The following RNF20 variants were observed in gnomAD, a reference collection of about 807,000 sequenced individuals.
RNF20 encodes E3 ubiquitin-protein ligase BRE1A.
RNF20 carries 84 observed loss-of-function variants against 126.2 expected under a neutral mutation model. The ratio of observed to expected loss-of-function variants is 0.67; its 90% CI spans 0.56 to 0.80. The LOEUF (loss-of-function observed/expected upper bound fraction) is 0.80. RNF20 is among the 30% of genes least tolerant of loss of function. The pLI is 0.00. For synonymous variants in RNF20, 400 were observed against 414.3 expected (o/e 0.97, Z 0.42); for missense variants, 869 against 1,188.2 (o/e 0.73, Z 3.95).
At chr9:101,549,259 G>A (rs906306782) in intron 9 of RNF20, among the ~76,000 whole-genome samples, 2 of 152,222 alleles carry the variant, frequency 1.3e-5, no homozygotes, top group African/African-American at 4.8e-5. Context: ...ATCTCCAATC[G>A]TAGGTAAGGT....
In RNF20 at chr9:101,554,046, C is replaced by G. The variant is rs758840431; in HGVS notation, c.1960C>G (p.Pro654Ala). The G allele has an allele frequency of 1.9e-6, 3 of 1,613,600 alleles. No homozygotes were observed. The highest frequency in any genetic ancestry group is 2.2e-5 in the South Asian group (2 of 91,048). The change falls in exon 14 of 20, where the codon CCA becomes GCA. Residue 654 changes from proline to alanine, a missense_variant. Physicochemically the swap from Pro to Ala is conservative, Grantham distance 27 (BLOSUM62 -1). Around this residue, in one of 8 missense-constraint regions of RNF20, gnomAD observed 231 missense variants for 263.6 expected, o/e 0.88. Coordinates refer to ENST00000389120, the MANE Select transcript of RNF20 (RefSeq NM_019592.7). ...KLLLDMYRSA[P>A]KEQRDKVQLM... Reference sequence around the variant, plus strand: ...ATTGCTGGATATGTACCGTTCTGCCCCAAAGGAACAGAGAGACAAAGTTCA... The same window carrying G: ...ATTGCTGGATATGTACCGTTCTGCCGCAAAGGAACAGAGAGACAAAGTTCA...
At chr9:101,551,313 G>A (rs1827440728) in intron 10 of RNF20, among the ~76,000 whole-genome samples, 2 of 152,142 alleles carry the variant, frequency 1.3e-5, no homozygotes, top group Admixed American at 1.3e-4. Flanking sequence ...AATGGCACCA[G>A]TAGATGATTT....
At chr9:101,541,529 C>T (rs957774019) in intron 5 of RNF20, among the ~76,000 whole-genome samples, 1 of 152,128 alleles carries the variant, frequency 6.6e-6, no homozygotes, top group Non-Finnish European at 1.5e-5. Context: ...CTGATATACT[C>T]TATTAATGAC....
intron 10 of RNF20, 38 bp from the exon 11 acceptor site, chr9:101,551,646 A>G (rs1200084190): frequency 2.0e-6 from 3 of 1,528,198 alleles, no homozygotes; most frequent in Non-Finnish European, 2.6e-6. Context: ...CTACATTTTA[A>G]TAAGAATTTT....
chr9:101,556,577 C>G (rs897078348), intron 15 of RNF20, among the ~76,000 whole-genome samples: 1 of 152,004 alleles, frequency 6.6e-6, no homozygotes, highest in African/African-American at 2.4e-5. Context: ...ATGCATCCAT[C>G]AAAAAGCTAG....
At chr9:101,551,220 A>G (rs1049844717) in intron 10 of RNF20, among the ~76,000 whole-genome samples, 6 of 152,232 alleles carry the variant, frequency 3.9e-5, no homozygotes, top group African/African-American at 1.4e-4. Context: ...AAATAGTTTA[A>G]TATGGCTAGA....
In RNF20 at chr9:101,552,551, G is replaced by A; in HGVS notation, c.1699G>A (p.Glu567Lys). Residue 567 changes from glutamate (E) to lysine (K), a missense_variant, in exon 13 of 20, where the codon GAA (glutamate) becomes AAA (lysine). Transcript: ENST00000389120. ...ANEIKSKRDEEERERERREKE... is the reference protein window; with the variant it reads ...ANEIKSKRDEKERERERREKE... The stretch of plus-strand genomic sequence containing the variant: ...TGAAATCAAGTCTAAACGGGATGAA[G>A]AAGAACGAGAACGAGAAAGGAGGGA... 1 of 1,613,386 alleles carries A rather than the reference G, an allele frequency of 6.2e-7. No individual in the cohort carries two copies. The highest frequency in any genetic ancestry group is 8.5e-7 in the Non-Finnish European group (1 of 1,179,446).
In RNF20 at chr9:101,551,809, T is replaced by C. The variant is rs769904780; in HGVS notation, c.1398T>C (p.Asn466=). The C allele has an allele frequency of 2.5e-6, 4 of 1,606,562 alleles. No homozygotes were observed. In the East Asian group the frequency reaches 6.7e-5, roughly 27 times the overall value. ...RIEFEQTLAA[N]EQAGPINREM... is the part of the protein sequence containing the mutation. ...AATTTGAGCAGACCCTTGCTGCCAA[T>C]GAACAAGCAGGTATAATGATTCTCA... Residue 466 remains asparagine (N), a synonymous_variant, in exon 11 of 20, where the codon AAT becomes AAC. Coordinates refer to ENST00000389120, the MANE Select transcript of RNF20 (RefSeq NM_019592.7).
chr9:101,553,526 A>G (rs1827482356), intron 13 of RNF20, among the ~76,000 whole-genome samples: 1 of 152,050 alleles, frequency 6.6e-6, no homozygotes, highest in Non-Finnish European at 1.5e-5. Flanking sequence ...GATTAACAGT[A>G]TATCTCAGAC....
At chr9:101,544,706 TAA>T (rs145182555) in intron 5 of RNF20, 59 bp from the exon 6 acceptor site, 11,993 of 982,588 alleles carry the variant, frequency 0.012, no homozygotes, top group Admixed American at 0.014. Context: ...GACTCCGTCT[TAA>T]AAAAAAAAAA....
chr9:101,550,096 T>G (rs1827418642), intron 9 of RNF20, among the ~76,000 whole-genome samples: 1 of 152,160 alleles, frequency 6.6e-6, no homozygotes, highest in Non-Finnish European at 1.5e-5. Context: ...TACAAGTTGT[T>G]TGTAGGTTAA....
At chr9:101,548,871 A>G (rs1026337999) in intron 9 of RNF20, among the ~76,000 whole-genome samples, 2 of 152,200 alleles carry the variant, frequency 1.3e-5, no homozygotes, top group Non-Finnish European at 2.9e-5. Flanking sequence ...GGGCATATAT[A>G]TACTGTGGAA....
intron 9 of RNF20, among the ~76,000 whole-genome samples, chr9:101,548,206 A>G (rs941864674): frequency 6.6e-6 from 1 of 152,192 alleles, no homozygotes; most frequent in Non-Finnish European, 1.5e-5. Flanking sequence ...TTTAGAGGAC[A>G]TTATGCTAAC....
chr9:101,543,343 T>TCCAGGGCGGCACTGTCTAACCCTG, intron 5 of RNF20, among the ~76,000 whole-genome samples: 1 of 122,950 alleles, frequency 8.1e-6, no homozygotes, highest in Non-Finnish European at 1.7e-5. Flanking sequence ...GTCTAACCCT[T>TCCAGGGCGGCACTGTCTAACCCTG]CCAGGGCGGC....
In RNF20 at chr9:101,551,715, G is replaced by A. The variant is rs1388124631; in HGVS notation, c.1304G>A (p.Arg435Lys). 1 of 1,540,816 alleles carries A rather than the reference G, an allele frequency of 6.5e-7. No individual in the cohort carries two copies. The highest frequency in any genetic ancestry group is 8.8e-7 in the Non-Finnish European group (1 of 1,141,386). ...GAGGTTAGTCTTCATAAGAAGCTGAGGACTGAAGTAATTCAGCTAGAAGAT... is the reference window on the plus strand; with the variant it reads ...GAGGTTAGTCTTCATAAGAAGCTGAAGACTGAAGTAATTCAGCTAGAAGAT... ...RDEVSLHKKL[R>K]TEVIQLEDTL... The change falls in exon 11 of 20, where the codon AGG (arginine) becomes AAG (lysine). Residue 435 changes from arginine (R) to lysine (K), a missense_variant. Physicochemically the swap from Arg to Lys is conservative, Grantham distance 26. Around this residue, in one of 8 missense-constraint regions of RNF20, gnomAD observed 153 missense variants for 226.4 expected, o/e 0.68. Coordinates refer to ENST00000389120, the MANE Select transcript of RNF20 (RefSeq NM_019592.7).
intron 9 of RNF20, among the ~76,000 whole-genome samples, chr9:101,549,464 T>C (rs956595841): frequency 3.3e-5 from 5 of 152,150 alleles, no homozygotes; most frequent in African/African-American, 1.2e-4. Flanking sequence ...GAAGGCGGCC[T>C]AGGAGCGTGA....
intron 1 of RNF20, among the ~76,000 whole-genome samples, chr9:101,534,701 C>T (rs1827154747): frequency 6.6e-6 from 1 of 152,162 alleles, no homozygotes; most frequent in Admixed American, 6.5e-5. Flanking sequence ...TCACAGATCT[C>T]TTTCAGCTCT....
chr9:101,553,878 A>G, intron 13 of RNF20, 110 bp from the exon 14 acceptor site: 1 of 606,632 alleles, frequency 1.6e-6, no homozygotes, highest in South Asian at 2.4e-5. Context: ...GTGATATGAA[A>G]TGTAAAATGA....
At chr9:101,545,629 G>A (rs113255071) in intron 6 of RNF20, among the ~76,000 whole-genome samples, 2,283 of 152,282 alleles carry the variant, frequency 0.015, 48 homozygotes, top group African/African-American at 0.051. Flanking sequence ...TGCTGGCCTG[G>A]TTGCATGAAT....
Sources: allele counts gnomAD v4.1 joint callset (sites outside exome capture counted in the v4.1 genomes callset), GRCh38; gene constraint gnomAD v4.1.1; regional missense constraint gnomAD v4.1.1; transcripts MANE v1.5; gene names NCBI Gene and HGNC (gene_info 2026-07-23, HGNC 2026-07-21).